Variants in ATF6 observed in about 807,000 individuals in gnomAD.
The protein encoded by ATF6 is cyclic AMP-dependent transcription factor ATF-6 alpha.
ATF6 carries 53 observed loss-of-function variants against 83.6 expected under a neutral mutation model. That is an observed-to-expected ratio of 0.63 (90% confidence interval 0.51 to 0.80). ATF6 has a LOEUF of 0.80. ATF6 is among the 30% of genes least tolerant of loss of function. ATF6 has a pLI of 0.00. For synonymous variants in ATF6, 288 were observed against 285.8 expected (o/e 1.01, Z -0.08); for missense variants, 744 against 797.9 (o/e 0.93, Z 0.81).
intron 10 of ATF6, among the ~76,000 whole-genome samples, chr1:161,849,388 A>G (rs912862492): frequency 6.6e-6 from 1 of 152,126 alleles, no homozygotes; most frequent in Non-Finnish European, 1.5e-5. Flanking sequence ...ATCCTCTGCT[A>G]TTGTTTCTTT....
At chr1:161,811,270 T>C (rs563035424) in intron 7 of ATF6, among the ~76,000 whole-genome samples, 1 of 152,222 alleles carries the variant, frequency 6.6e-6, no homozygotes, top group South Asian at 2.1e-4. Context: ...AAGATTACTA[T>C]TTTATAACTA....
intron 9 of ATF6, among the ~76,000 whole-genome samples, chr1:161,844,608 G>T (rs1333195201): frequency 6.6e-6 from 1 of 152,012 alleles, no homozygotes; most frequent in Non-Finnish European, 1.5e-5. Flanking sequence ...AGTAGGGGTT[G>T]AATTAATTGA....
intron 14 of ATF6, among the ~76,000 whole-genome samples, chr1:161,895,782 T>C (rs992600498): frequency 1.3e-5 from 2 of 152,228 alleles, no homozygotes; most frequent in African/African-American, 4.8e-5. Flanking sequence ...TAATTACCTC[T>C]AAAAATATGT....
At chr1:161,883,860 A>T (rs1687367574) in intron 14 of ATF6, among the ~76,000 whole-genome samples, 1 of 152,090 alleles carries the variant, frequency 6.6e-6, no homozygotes, top group Non-Finnish European at 1.5e-5. Flanking sequence ...TGTTAAAAAC[A>T]TAAGGAAATT....
intron 9 of ATF6, among the ~76,000 whole-genome samples, chr1:161,839,294 G>A (rs1686299364): frequency 1.3e-5 from 2 of 152,210 alleles, no homozygotes; most frequent in Non-Finnish European, 1.5e-5. Flanking sequence ...TGGACAAAGG[G>A]ATAAAGTATA....
chr1:161,813,681 T>C (rs1685531182), intron 7 of ATF6, among the ~76,000 whole-genome samples: 1 of 152,218 alleles, frequency 6.6e-6, no homozygotes, highest in Non-Finnish European at 1.5e-5. Flanking sequence ...AGCACTATTC[T>C]GGTCTAACTC....
At chr1:161,873,180 C>G (rs914442385) in intron 14 of ATF6, among the ~76,000 whole-genome samples, 1 of 151,530 alleles carries the variant, frequency 6.6e-6, no homozygotes, top group Non-Finnish European at 1.5e-5. Flanking sequence ...TAAAGTACTG[C>G]TTGAGATATC....
At chr1:161,823,692 GTT>G (rs1685816733) in intron 9 of ATF6, among the ~76,000 whole-genome samples, 1 of 152,122 alleles carries the variant, frequency 6.6e-6, no homozygotes, top group Non-Finnish European at 1.5e-5. Context: ...AGGATTATCT[GTT>G]TTTTCATGTA....
intron 15 of ATF6, among the ~76,000 whole-genome samples, chr1:161,935,125 A>G (rs1347978264): frequency 1.3e-5 from 2 of 152,246 alleles, no homozygotes; most frequent in Non-Finnish European, 2.9e-5. Context: ...CCATGTTGTT[A>G]ATAAGAATGC....
At chr1:161,846,422 C>A in intron 9 of ATF6, 27 bp from the exon 10 acceptor site, 1 of 1,588,372 alleles carries the variant, frequency 6.3e-7, no homozygotes. Flanking sequence ...TTTATTTCAG[C>A]TATTATTTCC....
At chr1:161,854,853 G>A (rs1021845152) in intron 12 of ATF6, among the ~76,000 whole-genome samples, 5 of 151,702 alleles carry the variant, frequency 3.3e-5, no homozygotes, top group African/African-American at 9.7e-5. Flanking sequence ...GTGACAAAGC[G>A]AGACTCCGTC....
intron 14 of ATF6, among the ~76,000 whole-genome samples, chr1:161,903,242 C>G (rs1687824122): frequency 6.6e-6 from 1 of 152,070 alleles, no homozygotes; most frequent in Non-Finnish European, 1.5e-5. Context: ...CTCCTGTCAT[C>G]TTTTATATTA....
chr1:161,819,681 G>A lies in ATF6; in HGVS notation c.958G>A (p.Ala320Thr), dbSNP rs926171647. The A allele has an allele frequency of 2.5e-6, 4 of 1,610,844 alleles. No individual in the cohort carries two copies. The highest frequency in any genetic ancestry group is 2.2e-5 in the East Asian group (1 of 44,602). Residue 320 changes from alanine (A) to threonine (T), a missense_variant, in exon 8 of 16, where the codon GCT (alanine) becomes ACT (threonine). By Grantham distance (58) the Ala-to-Thr change is moderately conservative. Coordinates refer to ENST00000367942, the MANE Select transcript of ATF6 (RefSeq NM_007348.4). ...QQRMIKNRES[A>T]CQSRKKKKEY... ...ACGTATGATAAAAAATCGAGAATCCGCTTGTCAGTCTCGCAAGAAGAAGAA... is the reference window on the plus strand; with the variant it reads ...ACGTATGATAAAAAATCGAGAATCCACTTGTCAGTCTCGCAAGAAGAAGAA...
intron 14 of ATF6, among the ~76,000 whole-genome samples, chr1:161,888,304 A>C (rs1313525087): frequency 6.6e-6 from 1 of 152,218 alleles, no homozygotes; most frequent in African/African-American, 2.4e-5. Flanking sequence ...TATACCATTG[A>C]AGATGTTTTG....
intron 15 of ATF6, among the ~76,000 whole-genome samples, chr1:161,935,511 A>G (rs1274417640): frequency 6.6e-6 from 1 of 152,228 alleles, no homozygotes; most frequent in Non-Finnish European, 1.5e-5. Flanking sequence ...CCAGACTGTG[A>G]GGAATAAATT....
At chr1:161,942,193 A>C (rs1439136396) in intron 15 of ATF6, among the ~76,000 whole-genome samples, 1 of 151,506 alleles carries the variant, frequency 6.6e-6, no homozygotes, top group Non-Finnish European at 1.5e-5. Context: ...AGAAGCATTA[A>C]CTCCTCAGCC....
chr1:161,810,042 A>G (rs1296662546), intron 7 of ATF6, among the ~76,000 whole-genome samples: 1 of 152,188 alleles, frequency 6.6e-6, no homozygotes, highest in African/African-American at 2.4e-5. Flanking sequence ...GTTTTACCAA[A>G]TGGTCCTCCA....
chr1:161,818,304 C>G (rs1169253097), intron 7 of ATF6, among the ~76,000 whole-genome samples: 1 of 152,186 alleles, frequency 6.6e-6, no homozygotes, highest in Non-Finnish European at 1.5e-5. Flanking sequence ...TGCCACCTCT[C>G]TCACTTCCCC....
chr1:161,957,058 A>C (rs1482817392), intron 15 of ATF6, among the ~76,000 whole-genome samples: 1 of 152,152 alleles, frequency 6.6e-6, no homozygotes, highest in African/African-American at 2.4e-5. Flanking sequence ...TCTCTAAGTG[A>C]CAAGCTCCAC....
Sources: gnomAD v4.1 joint callset for allele counts (sites outside exome capture counted in the v4.1 genomes callset) on GRCh38, gnomAD v4.1.1 for gene constraint, MANE v1.5 for transcripts, NCBI Gene and HGNC (gene_info 2026-07-23, HGNC 2026-07-21) for gene names.